AGTPBP1: variants seen among roughly 807,000 people sequenced by gnomAD.
AGTPBP1 encodes ATP/GTP binding carboxypeptidase 1.
A neutral mutation model predicts 143.9 loss-of-function variants in AGTPBP1; 70 were observed. That is an observed-to-expected ratio of 0.49 (90% CI 0.40 to 0.59). The LOEUF (loss-of-function observed/expected upper bound fraction) is 0.59. Among genes scored for constraint, AGTPBP1 ranks in the 20% least tolerant of loss-of-function variants. AGTPBP1 has a pLI of 0.00. For synonymous variants in AGTPBP1, 463 were observed against 500.2 expected (o/e 0.93, Z 0.99); for missense variants, 1,229 against 1,464.5 (o/e 0.84, Z 2.62).
At chr9:85,749,885 C>CT in the AGTPBP1 span, among the ~76,000 whole-genome samples, 1,838 of 143,106 alleles carry the variant, frequency 0.013, 17 homozygotes, top group Non-Finnish European at 0.017. Flanking sequence ...TCCTGTATCC[C>CT]TTTTTTTTTT....
chr9:85,612,552 C>T (rs1170662774), intron 17 of AGTPBP1, among the ~76,000 whole-genome samples: 3 of 152,146 alleles, frequency 2.0e-5, no homozygotes, highest in Non-Finnish European at 2.9e-5. Flanking sequence ...TTCAGTGTTT[C>T]CCTGAGTCCT....
At chr9:85,571,778 A>G (rs1380044576) in intron 25 of AGTPBP1, among the ~76,000 whole-genome samples, 1 of 152,172 alleles carries the variant, frequency 6.6e-6, no homozygotes, top group African/African-American at 2.4e-5. Flanking sequence ...CATGCAACAC[A>G]CACAGACTCA....
At chr9:85,635,956 C>A (rs1017045057) in intron 13 of AGTPBP1, among the ~76,000 whole-genome samples, 15 of 152,100 alleles carry the variant, frequency 9.9e-5, no homozygotes, top group Non-Finnish European at 1.5e-5. Context: ...CACATGGATT[C>A]GCAGCCTGAA....
At chr9:85,557,679 CTAAG>C (rs1389345771) in intron 25 of AGTPBP1, among the ~76,000 whole-genome samples, 1 of 152,150 alleles carries the variant, frequency 6.6e-6, no homozygotes, top group Non-Finnish European at 1.5e-5. Flanking sequence ...TACCACATAG[CTAAG>C]TATTAGACAC....
intron 17 of AGTPBP1, among the ~76,000 whole-genome samples, chr9:85,612,399 C>T (rs1383603714): frequency 1.3e-5 from 2 of 152,300 alleles, no homozygotes; most frequent in Non-Finnish European, 2.9e-5. Context: ...GTGATGAATG[C>T]ATCCACATGC....
chr9:85,796,948 G>A, the AGTPBP1 span, among the ~76,000 whole-genome samples: 1 of 151,836 alleles, frequency 6.6e-6, no homozygotes, highest in African/African-American at 2.4e-5. Flanking sequence ...CACCACACCC[G>A]CCTAATTTTT....
At chr9:85,578,594 T>C (rs1047958353) in intron 24 of AGTPBP1, among the ~76,000 whole-genome samples, 1 of 152,096 alleles carries the variant, frequency 6.6e-6, no homozygotes, top group South Asian at 2.1e-4. Flanking sequence ...CAATAGAAAA[T>C]TTTTAAGGTA....
At chr9:85,606,286 C>T (rs1262240318) in intron 17 of AGTPBP1, among the ~76,000 whole-genome samples, 1 of 150,998 alleles carries the variant, frequency 6.6e-6, no homozygotes, top group Non-Finnish European at 1.5e-5. Context: ...AAATGGCCAA[C>T]AGGCATATGA....
chr9:85,577,930 T>C (rs945276866), intron 24 of AGTPBP1, among the ~76,000 whole-genome samples: 3 of 152,198 alleles, frequency 2.0e-5, no homozygotes, highest in Non-Finnish European at 4.4e-5. Flanking sequence ...TAGATGTTTC[T>C]TTTCAAACAC....
intron 2 of AGTPBP1, among the ~76,000 whole-genome samples, chr9:85,695,273 C>T (rs964613125): frequency 6.6e-6 from 1 of 152,110 alleles, no homozygotes; most frequent in Non-Finnish European, 1.5e-5. Flanking sequence ...CCTGTGAGAG[C>T]CTCATGGTCG....
At chr9:85,753,445 C>T in the AGTPBP1 span, 3 of 1,612,892 alleles carry the variant, frequency 1.9e-6, no homozygotes, top group Non-Finnish European at 2.5e-6. Context: ...TTAGCGTTTC[C>T]TGGTTTCTCT....
intron 1 of AGTPBP1, among the ~76,000 whole-genome samples, chr9:85,737,920 AT>A: frequency 6.6e-6 from 1 of 152,322 alleles, no homozygotes; most frequent in South Asian, 2.1e-4. Context: ...TTTTCTCCAT[AT>A]GTATTTCAAC....
At chr9:85,771,239 C>A in the AGTPBP1 span, among the ~76,000 whole-genome samples, 1 of 152,240 alleles carries the variant, frequency 6.6e-6, no homozygotes, top group African/African-American at 2.4e-5. Context: ...GTGGCTCATG[C>A]CTGTAATCCC....
chr9:85,683,181 A>G (rs544703290), intron 3 of AGTPBP1, among the ~76,000 whole-genome samples: 1 of 152,192 alleles, frequency 6.6e-6, no homozygotes, highest in Admixed American at 6.5e-5. Flanking sequence ...TACCTAGAAC[A>G]AAAGGAAAAA....
intron 3 of AGTPBP1, among the ~76,000 whole-genome samples, chr9:85,688,419 T>A (rs1186440029): frequency 6.6e-6 from 1 of 152,048 alleles, no homozygotes; most frequent in Non-Finnish European, 1.5e-5. Context: ...AAAAAAAATT[T>A]ACAACTAAAA....
chr9:85,784,376 C>T, the AGTPBP1 span, among the ~76,000 whole-genome samples: 4 of 152,258 alleles, frequency 2.6e-5, no homozygotes, highest in East Asian at 7.7e-4. Context: ...AATAAGATGC[C>T]TTACTCCTTC....
intron 17 of AGTPBP1, among the ~76,000 whole-genome samples, chr9:85,610,366 C>T (rs1422737502): frequency 6.6e-6 from 1 of 152,128 alleles, no homozygotes; most frequent in Admixed American, 6.5e-5. Context: ...CACACATTCT[C>T]AAATTCAGTA....
At chr9:85,592,778 TAGAACTTC>T in intron 18 of AGTPBP1, 74 bp from the exon 19 acceptor site, 1 of 1,543,758 alleles carries the variant, frequency 6.5e-7, no homozygotes, top group Non-Finnish European at 8.7e-7. Flanking sequence ...TTTTATTAAA[TAGAACTTC>T]AGGGAAAAAA....
intron 23 of AGTPBP1, among the ~76,000 whole-genome samples, chr9:85,584,710 A>G (rs903337490): frequency 6.6e-5 from 10 of 152,188 alleles, no homozygotes; most frequent in African/African-American, 1.7e-4. Flanking sequence ...TCTACCATCA[A>G]TGATCAACTG....
Sources: gnomAD v4.1 joint callset for allele counts (sites outside exome capture counted in the v4.1 genomes callset) on GRCh38, gnomAD v4.1.1 for gene constraint, MANE v1.5 for transcripts, NCBI Gene and HGNC (gene_info 2026-07-23, HGNC 2026-07-21) for gene names.